Variants in WASHC4 observed in about 807,000 individuals in gnomAD.
The protein encoded by WASHC4 is WASH complex subunit 7.
A neutral mutation model predicts 166.6 loss-of-function variants in WASHC4; 86 were observed. That is an observed-to-expected ratio of 0.52 (90% CI 0.43 to 0.62). WASHC4 has a LOEUF of 0.62. Ranked by LOEUF, WASHC4 falls within the 20% of genes least tolerant of loss-of-function variation. The pLI, the probability that WASHC4 is intolerant of heterozygous loss-of-function variation, is 0.00. For missense variants in WASHC4, 1,262 were observed against 1,382.4 expected (o/e 0.91, Z 1.38); for synonymous variants, 446 against 451.6 (o/e 0.99, Z 0.16).
At chr12:105,123,228 C>T (rs1184901425) in intron 10 of WASHC4, among the ~76,000 whole-genome samples, 3 of 152,196 alleles carry the variant, frequency 2.0e-5, no homozygotes, top group East Asian at 3.9e-4. Flanking sequence ...GCAGGAGAAT[C>T]GCTTGAACCT....
chr12:105,113,473 G>A (rs192756775), intron 2 of WASHC4, among the ~76,000 whole-genome samples: 170 of 151,762 alleles, frequency 1.1e-3, no homozygotes, highest in African/African-American at 3.7e-3. Flanking sequence ...TGCTCTCTTC[G>A]GAACCTCTGT....
At chr12:105,158,295 A>C (rs1402713025) in intron 28 of WASHC4, among the ~76,000 whole-genome samples, 1 of 152,200 alleles carries the variant, frequency 6.6e-6, no homozygotes, top group East Asian at 1.9e-4. Flanking sequence ...ATCCCATAAA[A>C]TTGCTTATTA....
chr12:105,122,354 C>G lies in WASHC4; in HGVS notation c.786+116C>G, dbSNP rs1880842775. 3 of 1,117,708 alleles carry G rather than the reference C, an allele frequency of 2.7e-6. No homozygotes were observed. In the African/African-American group the frequency reaches 4.8e-5, roughly 18 times the overall value. 69.2% of individuals were successfully genotyped at this position (1,117,708 alleles called of 1,614,324 possible). A position where few individuals can be genotyped will look rare whatever the true frequency, so the allele number is the denominator to read the frequency against. ...TGAATATAATTTTCTTTAAAAAGTG[C>G]TTTGGCTTAAAATTATTGTTACAGT... On this transcript the variant is annotated intron_variant, in intron 10 of 32. Transcript: ENST00000332180.
At chr12:105,154,125 G>A (rs1354863630) in intron 26 of WASHC4, among the ~76,000 whole-genome samples, 6 of 151,488 alleles carry the variant, frequency 4.0e-5, no homozygotes, top group Non-Finnish European at 5.9e-5. Context: ...GTGCCTCCTA[G>A]GTTCAAGCGA....
intron 25 of WASHC4, among the ~76,000 whole-genome samples, chr12:105,150,349 T>C (rs896812399): frequency 6.6e-6 from 1 of 152,226 alleles, no homozygotes; most frequent in African/African-American, 2.4e-5. Context: ...CACATCTATC[T>C]CTGTAAATCT....
At chr12:105,142,667 G>A in intron 19 of WASHC4, 109 bp downstream of exon 19, 1 of 689,698 alleles carries the variant, frequency 1.4e-6, no homozygotes, top group Non-Finnish European at 2.5e-6. Context: ...AAAATTGACT[G>A]TTTTGTAAAC....
chr12:105,120,862 C>A (rs1243317520), intron 8 of WASHC4, among the ~76,000 whole-genome samples: 1 of 152,156 alleles, frequency 6.6e-6, no homozygotes, highest in East Asian at 1.9e-4. Flanking sequence ...TGAAATAAAT[C>A]TGCAGTATTG....
At chr12:105,120,876 C>T (rs915393842) in intron 8 of WASHC4, among the ~76,000 whole-genome samples, 1 of 152,144 alleles carries the variant, frequency 6.6e-6, no homozygotes, top group Non-Finnish European at 1.5e-5. Context: ...AGTATTGCAA[C>T]TAAGGATGAA....
Position 105,124,036 on chromosome 12 carries a change from A to G in WASHC4, c.786+1798A>G, listed in dbSNP as rs537817757. 3.9e-5 allele frequency among the ~76,000 whole-genome samples: 6 copies of G among 152,338 alleles called. No homozygotes were observed. The South Asian group carries it at 1.2e-3, about 32-fold the overall frequency. On this transcript the variant is annotated intron_variant, in intron 10 of 32. Coordinates refer to ENST00000332180, the MANE Select transcript of WASHC4 (RefSeq NM_015275.3). Reference sequence around the variant, plus strand: ...CTCAAATGTTAGCATTTTTAGCAATAAAGTGTTTTTTAATTAATATACTTT... The same window carrying G: ...CTCAAATGTTAGCATTTTTAGCAATGAAGTGTTTTTTAATTAATATACTTT...
chr12:105,140,185 G>T (rs559704320), intron 15 of WASHC4, 109 bp from the exon 16 acceptor site: 3 of 825,368 alleles, frequency 3.6e-6, no homozygotes, highest in Non-Finnish European at 6.2e-6. Context: ...AGGTTTTTTT[G>T]TATCTCATTT....
At chr12:105,148,031 TTA>T in intron 24 of WASHC4, 1 of 985,360 alleles carries the variant, frequency 1.0e-6, no homozygotes, top group Non-Finnish European at 1.2e-6. Context: ...CAGAGCACAG[TTA>T]ATTTCTCCTT....
chr12:105,135,399 G>T (rs1303541450), intron 14 of WASHC4, among the ~76,000 whole-genome samples: 20 of 144,836 alleles, frequency 1.4e-4, no homozygotes, highest in South Asian at 4.3e-4. Flanking sequence ...GGTTGGTGGG[G>T]TTTTTTTTTT....
rs112122214 is a variant in WASHC4, at chr12:105,128,923, G to A, written c.1199+1634G>A. 3.7e-3 allele frequency among the ~76,000 whole-genome samples: 554 copies of A among 149,332 alleles called. 4 individuals carry two copies. The highest frequency in any genetic ancestry group is 0.013 in the African/African-American group (530 of 40,224). ...CTCCCAAGTAGCTGGGACTACAGGTGCCTACCACCATGCCCAGCTACATTT... is the reference window on the plus strand; with the variant it reads ...CTCCCAAGTAGCTGGGACTACAGGTACCTACCACCATGCCCAGCTACATTT... On this transcript the variant is annotated intron_variant, in intron 13 of 32. Transcript: ENST00000332180.
At chr12:105,157,567 A>G (rs2135834143) in intron 28 of WASHC4, among the ~76,000 whole-genome samples, 1 of 152,308 alleles carries the variant, frequency 6.6e-6, no homozygotes, top group African/African-American at 2.4e-5. Flanking sequence ...GCTGGTCCAC[A>G]CTGAGATGTG....
At position 105,146,529 on chromosome 12, in the gene WASHC4, G is replaced by T; in HGVS notation, c.2409+3G>T. The T allele has an allele frequency of 6.4e-7, 1 of 1,569,994 alleles. No homozygotes were observed. Among genetic ancestry groups the T allele is most frequent in the Non-Finnish European group, 8.7e-7 (1 of 1,145,066 alleles). On this transcript the variant is annotated splice_donor_region_variant and intron_variant, in intron 23 of 32. Coordinates refer to ENST00000332180, the MANE Select transcript of WASHC4 (RefSeq NM_015275.3). ...ACCTCTATAATCTCAACAATCAGGT[G>T]AGTAGGGTTTATAAATTTTTTTTTT...
At chr12:105,154,607 A>G (rs1021798843) in intron 26 of WASHC4, among the ~76,000 whole-genome samples, 1 of 152,168 alleles carries the variant, frequency 6.6e-6, no homozygotes, top group Non-Finnish European at 1.5e-5. Flanking sequence ...CAGTACAACA[A>G]ATGTTTCTAG....
At chr12:105,133,382 A>G (rs1391571141) in intron 13 of WASHC4, among the ~76,000 whole-genome samples, 1 of 152,212 alleles carries the variant, frequency 6.6e-6, no homozygotes, top group Non-Finnish European at 1.5e-5. Flanking sequence ...ATCATGCTAT[A>G]TAAAATTGTA....
chr12:105,124,771 G>A (rs1474065765), intron 10 of WASHC4, among the ~76,000 whole-genome samples: 1 of 152,186 alleles, frequency 6.6e-6, no homozygotes, highest in African/African-American at 2.4e-5. Flanking sequence ...GAGCCACCAT[G>A]CCCGGCCAGG....
Position 105,147,759 on chromosome 12 carries a change from G to A in WASHC4, c.2514+613G>A, listed in dbSNP as rs557442764. ...CATCTCTACTAAAAATACAAAATTA[G>A]CCAGGCGTGGTGGCGGGCGCCTGTA... On this transcript the variant is annotated intron_variant, in intron 24 of 32. Transcript: ENST00000332180. The A allele has an allele frequency of 1.1e-4, 39 of 356,786 alleles. No homozygotes were observed. In the South Asian group the frequency reaches 3.8e-3, roughly 35 times the overall value. The allele number at this position is 356,786 out of a possible 1,614,324, so 22.1% of individuals were successfully genotyped here.
Sources: allele counts gnomAD v4.1 joint callset (sites outside exome capture counted in the v4.1 genomes callset), GRCh38; gene constraint gnomAD v4.1.1; transcripts MANE v1.5; gene names NCBI Gene and HGNC (gene_info 2026-07-23, HGNC 2026-07-21).